Variants in DAB1 observed in about 807,000 individuals in gnomAD.
The protein encoded by DAB1 is DAB adaptor protein 1, also known as disabled homolog 1.
In DAB1, 15 loss-of-function variants were observed where a neutral mutation model predicts 64.6. That is an observed-to-expected ratio of 0.23 (90% CI 0.16 to 0.36). DAB1 has a LOEUF of 0.36. Among genes scored for constraint, DAB1 ranks in the 10% least tolerant of loss-of-function variants. The pLI is 1.00. For synonymous variants in DAB1, 235 were observed against 251.9 expected (o/e 0.93, Z 0.64); for missense variants, 596 against 706.7 (o/e 0.84, Z 1.78).
At chr1:58,479,169 A>G (rs565415571) in intron 3 of DAB1, among the ~76,000 whole-genome samples, 22 of 152,334 alleles carry the variant, frequency 1.4e-4, no homozygotes, top group African/African-American at 5.1e-4. Context: ...CCGTTGCTAC[A>G]TTATTTTCCT....
intron 1 of DAB1, among the ~76,000 whole-genome samples, chr1:57,353,891 C>T (rs1025698910): frequency 5.9e-5 from 9 of 152,086 alleles, no homozygotes; most frequent in Non-Finnish European, 1.3e-4. Context: ...TGAAGGCAGC[C>T]GGATGTTATC....
chr1:57,186,025 A>G (rs1663519346), intron 2 of DAB1, among the ~76,000 whole-genome samples: 1 of 152,184 alleles, frequency 6.6e-6, no homozygotes, highest in African/African-American at 2.4e-5. Context: ...AGCAGAGATT[A>G]GGGATCCTCA....
chr1:58,403,037 C>T (rs1337053933), intron 3 of DAB1, among the ~76,000 whole-genome samples: 3 of 152,172 alleles, frequency 2.0e-5, no homozygotes, highest in East Asian at 3.8e-4. Flanking sequence ...CTAAACCAGT[C>T]GATCTCCTTA....
In DAB1 at chr1:57,193,379, A is replaced by ATTTTT. The variant is rs1328631874; in HGVS notation, c.68-47951_68-47950insAAAAA. Among the ~76,000 whole-genome samples the ATTTTT allele has an allele frequency of 2.0e-3, 142 of 71,562 alleles. 5 individuals carry two copies. The highest frequency in any genetic ancestry group is 7.0e-3 in the African/African-American group (127 of 18,176). 46.9% of individuals were successfully genotyped at this position (71,562 alleles called of 152,430 possible). ...TGCCTTCCAGATTCATCCGTAGCAT[A>ATTTTT]TGTTTTTTTTTTTTTTTTTTTTTTT... is the stretch of plus-strand genomic sequence containing the variant. On this transcript the variant is annotated intron_variant, in intron 2 of 14. Transcript: ENST00000371236.
intron 5 of DAB1, among the ~76,000 whole-genome samples, chr1:57,892,104 T>G (rs974995169): frequency 2.0e-5 from 3 of 152,192 alleles, no homozygotes; most frequent in South Asian, 2.1e-4. Context: ...CAGTATAAAT[T>G]CGATATTTAA....
chr1:57,915,652 C>A (rs539004943), intron 5 of DAB1, among the ~76,000 whole-genome samples: 1 of 152,134 alleles, frequency 6.6e-6, no homozygotes, highest in Admixed American at 6.5e-5. Context: ...TTAGAAAAAG[C>A]CCCACTCAGG....
At chr1:58,382,888 A>C (rs1644402121) in intron 3 of DAB1, among the ~76,000 whole-genome samples, 1 of 152,158 alleles carries the variant, frequency 6.6e-6, no homozygotes, top group Non-Finnish European at 1.5e-5. Context: ...GCTCTGTCAC[A>C]TGTCACCTGA....
At chr1:57,255,911 C>T (rs1048457517) in intron 2 of DAB1, among the ~76,000 whole-genome samples, 4 of 152,192 alleles carry the variant, frequency 2.6e-5, no homozygotes, top group African/African-American at 9.6e-5. Context: ...GACTATTCAG[C>T]TCTTTAGGTG....
chr1:57,018,555 C>A (rs1319924212), intron 11 of DAB1, among the ~76,000 whole-genome samples: 1 of 152,080 alleles, frequency 6.6e-6, no homozygotes, highest in Non-Finnish European at 1.5e-5. Flanking sequence ...GGAGGTATTG[C>A]AAATATTTGT....
chr1:57,705,894 TTAC>T (rs1646961241), intron 6 of DAB1, among the ~76,000 whole-genome samples: 4 of 151,914 alleles, frequency 2.6e-5, no homozygotes, highest in African/African-American at 9.7e-5. Context: ...TTTTCTTTTT[TTAC>T]TGCTAATGCT....
At chr1:57,645,064 T>C (rs897754178) in intron 7 of DAB1, among the ~76,000 whole-genome samples, 1 of 151,952 alleles carries the variant, frequency 6.6e-6, no homozygotes, top group Non-Finnish European at 1.5e-5. Context: ...ACATGCTGCT[T>C]CATGCTGCCA....
At chr1:58,276,817 A>G (rs1249764690) in intron 4 of DAB1, among the ~76,000 whole-genome samples, 1 of 152,104 alleles carries the variant, frequency 6.6e-6, no homozygotes, top group African/African-American at 2.4e-5. Context: ...TATGCACATC[A>G]TAAATGTCAT....
At chr1:58,530,532 G>A (rs1646419009) in intron 1 of DAB1, 5 of 767,268 alleles carry the variant, frequency 6.5e-6, no homozygotes, top group Non-Finnish European at 1.1e-5. Context: ...TGGATTTGCT[G>A]CTTTACAGTA....
chr1:57,996,086 C>T (rs193280596), intron 5 of DAB1, among the ~76,000 whole-genome samples: 4,280 of 152,080 alleles, frequency 0.028, 73 homozygotes, highest in Non-Finnish European at 0.044. Flanking sequence ...TGGTGAAACC[C>T]CGTCTCTACT....
intron 7 of DAB1, among the ~76,000 whole-genome samples, chr1:57,521,471 A>G (rs914788194): frequency 6.6e-6 from 1 of 152,104 alleles, no homozygotes; most frequent in Non-Finnish European, 1.5e-5. Context: ...AAGCTAAACC[A>G]TATTCATCTC....
chr1:58,487,544 C>T (rs1306090565), intron 3 of DAB1, among the ~76,000 whole-genome samples: 3 of 152,124 alleles, frequency 2.0e-5, no homozygotes, highest in Non-Finnish European at 4.4e-5. Context: ...AGTAACTAGG[C>T]AATTGTTCTC....
chr1:57,386,114 G>A (rs1287387359), intron 1 of DAB1, among the ~76,000 whole-genome samples: 1 of 152,094 alleles, frequency 6.6e-6, no homozygotes, highest in African/African-American at 2.4e-5. Flanking sequence ...TTGCTGTTGG[G>A]GTTAGGTGAG....
intron 3 of DAB1, among the ~76,000 whole-genome samples, chr1:58,489,991 A>G (rs1489864902): frequency 6.6e-6 from 1 of 152,218 alleles, no homozygotes; most frequent in African/African-American, 2.4e-5. Flanking sequence ...AAAGATGGGG[A>G]AAAAACAGAG....
At chr1:57,132,255 G>A (rs546859304) in intron 4 of DAB1, among the ~76,000 whole-genome samples, 3 of 152,204 alleles carry the variant, frequency 2.0e-5, no homozygotes, top group South Asian at 2.1e-4. Context: ...AAATGACTTC[G>A]TGATTAAGAA....
Sources: allele counts gnomAD v4.1 joint callset (sites outside exome capture counted in the v4.1 genomes callset), GRCh38; gene constraint gnomAD v4.1.1; transcripts MANE v1.5; gene names NCBI Gene and HGNC (gene_info 2026-07-23, HGNC 2026-07-21).